The following KATNIP variants were observed in gnomAD, a reference collection of about 807,000 sequenced individuals.
KATNIP encodes the protein katanin interacting protein, also known as katanin-interacting protein.
A neutral mutation model predicts 174.0 loss-of-function variants in KATNIP; 126 were observed. The observed-to-expected ratio is 0.72, with a 90% confidence interval of 0.63 to 0.84. The LOEUF is 0.84. Among genes scored for constraint, KATNIP ranks in the 40% least tolerant of loss-of-function variants. KATNIP has a pLI of 0.00. For synonymous variants in KATNIP, 810 were observed against 835.7 expected (o/e 0.97, Z 0.53); for missense variants, 1,958 against 2,109.7 (o/e 0.93, Z 1.41).
chr16:27,691,479 A>T (rs1488806972), intron 8 of KATNIP, among the ~76,000 whole-genome samples: 3 of 152,216 alleles, frequency 2.0e-5, no homozygotes, highest in Non-Finnish European at 2.9e-5. Flanking sequence ...GAATAAATCC[A>T]CCATCATGGG....
chr16:27,638,910 C>A (rs540852806), intron 5 of KATNIP, among the ~76,000 whole-genome samples: 40 of 146,388 alleles, frequency 2.7e-4, no homozygotes, highest in Non-Finnish European at 4.8e-4. Context: ...CGGGCTCATG[C>A]GATCCACCCA....
chr16:27,570,445 T>C (rs2090246005), intron 1 of KATNIP, among the ~76,000 whole-genome samples: 1 of 152,084 alleles, frequency 6.6e-6, no homozygotes, highest in Non-Finnish European at 1.5e-5. Context: ...TGGGCATCTG[T>C]AATCCCAGCT....
intron 2 of KATNIP, 109 bp downstream of exon 2, chr16:27,574,065 C>A: frequency 1.1e-6 from 1 of 948,770 alleles, no homozygotes; most frequent in South Asian, 1.4e-5. Context: ...CTCTTGGGGT[C>A]CCAAGCTTGA....
At chr16:27,592,630 A>C (rs905881385) in intron 2 of KATNIP, among the ~76,000 whole-genome samples, 1 of 152,030 alleles carries the variant, frequency 6.6e-6, no homozygotes, top group Non-Finnish European at 1.5e-5. Flanking sequence ...ACACACACAC[A>C]CACACAACCA....
intron 22 of KATNIP, among the ~76,000 whole-genome samples, 165 bp from the exon 23 acceptor site, chr16:27,772,934 G>A (rs1388470453): frequency 6.6e-6 from 1 of 152,060 alleles, no homozygotes; most frequent in East Asian, 1.9e-4. Flanking sequence ...TTAAGAAAAT[G>A]TGATGCTACC....
intron 3 of KATNIP, among the ~76,000 whole-genome samples, chr16:27,622,374 C>T (rs2076222067): frequency 6.6e-6 from 1 of 152,112 alleles, no homozygotes; most frequent in African/African-American, 2.4e-5. Flanking sequence ...CTGCAGAAAC[C>T]CTGCCAGCTG....
At chr16:27,699,682 G>A (rs1040835937) in intron 10 of KATNIP, 83 bp downstream of exon 10, 3 of 1,589,978 alleles carry the variant, frequency 1.9e-6, no homozygotes, top group African/African-American at 2.7e-5. Flanking sequence ...GAATGACAAA[G>A]CCCTATGCAT....
chr16:27,618,290 G>T (rs551701570), intron 2 of KATNIP, 135 bp from the exon 3 acceptor site: 19 of 651,156 alleles, frequency 2.9e-5, no homozygotes, highest in Non-Finnish European at 4.7e-5. Context: ...CTGGAGCAAT[G>T]CGCCTGGGGT....
At position 27,777,295 on chromosome 16, in the gene KATNIP, C is replaced by T. The variant is rs2082533972; in HGVS notation, c.4551+266C>T. Among the ~76,000 whole-genome samples, 1 of 152,098 alleles carries T rather than the reference C, an allele frequency of 6.6e-6. No individual in the cohort carries two copies. The highest frequency in any genetic ancestry group is 1.5e-5 in the Non-Finnish European group (1 of 68,020). On this transcript the variant is annotated intron_variant, in intron 25 of 27. Coordinates refer to ENST00000261588, the MANE Select transcript of KATNIP (RefSeq NM_015202.5). The surrounding 1 kb of genome is among the most constrained non-coding windows in gnomAD (Gnocchi z 4.4). ...ATCCCACTGGTTTGGGGCGGTGACCCTGGGATGGGGAAAACAGGGACCCTG... is the reference window on the plus strand; with the variant it reads ...ATCCCACTGGTTTGGGGCGGTGACCTTGGGATGGGGAAAACAGGGACCCTG...
chr16:27,668,968 T>C (rs1393949841), intron 6 of KATNIP, among the ~76,000 whole-genome samples: 1 of 152,130 alleles, frequency 6.6e-6, no homozygotes, highest in African/African-American at 2.4e-5. Flanking sequence ...GTGGTGTTAC[T>C]GCACTGCAGC....
chr16:27,745,951 C>A (rs1018728834), intron 15 of KATNIP, among the ~76,000 whole-genome samples: 7 of 151,080 alleles, frequency 4.6e-5, no homozygotes, highest in South Asian at 2.1e-4. Flanking sequence ...AGGCTCAACT[C>A]CTCTGCTTTT....
chr16:27,698,462 C>A lies in KATNIP; in HGVS notation c.1075C>A (p.Leu359Ile). 1 of 1,612,410 alleles carries A rather than the reference C, an allele frequency of 6.2e-7. No individual in the cohort carries two copies. The highest frequency in any genetic ancestry group is 8.5e-7 in the Non-Finnish European group (1 of 1,179,266). ...VENAALQRAL[L>I]SRKAEQPASP... ...GAACGCAGCCCTGCAGAGGGCGCTC[C>A]TCAGCAGAAAGGCCGAGCAGCCAGC... Residue 359 changes from leucine (L) to isoleucine (I), a missense_variant, in exon 9 of 28, where the codon CTC becomes ATC. This residue lies in a region of KATNIP where 1,557 missense variants were observed against 1,617.8 expected (regional missense o/e 0.96). Coordinates refer to ENST00000261588, the MANE Select transcript of KATNIP (RefSeq NM_015202.5).
chr16:27,749,790 G>T lies in KATNIP; in HGVS notation c.2830G>T (p.Gly944Trp). Residue 944 changes from glycine (G) to tryptophan (W), a missense_variant, in exon 16 of 28, where the codon GGG becomes TGG. This residue lies in a region of KATNIP where 1,557 missense variants were observed against 1,617.8 expected (regional missense o/e 0.96). Transcript: ENST00000261588. ...CAGCGACTTGCCCCCCTCCAAGAAG[G>T]GGGAGCAGCCAGGGCTGTCGAGAGG... ...RHSDLPPSKK[G>W]EQPGLSRGQD... 1 of 1,610,506 alleles carries T rather than the reference G, an allele frequency of 6.2e-7. No individual in the cohort carries two copies. Among genetic ancestry groups the T allele is most frequent in the East Asian group, 2.2e-5 (1 of 44,822 alleles).
intron 1 of KATNIP, among the ~76,000 whole-genome samples, chr16:27,559,028 A>G (rs982544322): frequency 6.6e-6 from 1 of 152,168 alleles, no homozygotes; most frequent in African/African-American, 2.4e-5. Flanking sequence ...ATACATTTTG[A>G]AAGGTACCCG....
At chr16:27,754,130 T>C (rs2081621675) in intron 17 of KATNIP, 43 bp from the exon 18 acceptor site, 1 of 1,562,768 alleles carries the variant, frequency 6.4e-7, no homozygotes, top group Admixed American at 1.7e-5. Context: ...TGGGTATCAC[T>C]AAAACCACCC....
At chr16:27,728,038 C>T (rs1273909553) in intron 14 of KATNIP, among the ~76,000 whole-genome samples, 1 of 152,060 alleles carries the variant, frequency 6.6e-6, no homozygotes, top group African/African-American at 2.4e-5. Context: ...CAAACCAAGA[C>T]CAAACATGTC....
intron 2 of KATNIP, among the ~76,000 whole-genome samples, chr16:27,599,517 A>G (rs2075445416): frequency 6.6e-6 from 1 of 152,092 alleles, no homozygotes; most frequent in Non-Finnish European, 1.5e-5. Context: ...CGTCCCTCCA[A>G]TGATGCAGGC....
At chr16:27,589,297 A>C (rs1304887271) in intron 2 of KATNIP, among the ~76,000 whole-genome samples, 1 of 152,188 alleles carries the variant, frequency 6.6e-6, no homozygotes, top group Non-Finnish European at 1.5e-5. Flanking sequence ...AGGGGTCAAC[A>C]AACTTTTTTC....
At chr16:27,750,419 CTTTTTTT>C in intron 16 of KATNIP, 113 bp downstream of exon 16, 3 of 670,308 alleles carry the variant, frequency 4.5e-6, no homozygotes, top group South Asian at 2.1e-5. Flanking sequence ...CTTTCTCTTT[CTTTTTTT>C]TTTTTTTTTT....
Sources: allele counts gnomAD v4.1 joint callset (sites outside exome capture counted in the v4.1 genomes callset), GRCh38; gene constraint gnomAD v4.1.1; regional missense constraint gnomAD v4.1.1; non-coding constraint Gnocchi (gnomAD v3.1); transcripts MANE v1.5; gene names NCBI Gene and HGNC (gene_info 2026-07-23, HGNC 2026-07-21).